Variants in INTS7 observed in about 807,000 individuals in gnomAD.
The protein encoded by INTS7 is integrator complex subunit 7.
INTS7 carries 46 observed loss-of-function variants against 109.2 expected under a neutral mutation model. The ratio of observed to expected loss-of-function variants is 0.42; its 90% confidence interval spans 0.33 to 0.54. The LOEUF is 0.54. INTS7 is among the 20% of genes least tolerant of loss of function. The pLI, the probability that INTS7 is intolerant of heterozygous loss-of-function variation, is 0.07. For synonymous variants in INTS7, 412 were observed against 402.9 expected, an observed-to-expected ratio of 1.02 and a Z score of -0.27; for missense variants, 929 against 1,132.4, an observed-to-expected ratio of 0.82 and a Z score of 2.58.
At chr1:212,011,701 G>T in intron 4 of INTS7, 1 of 321,520 alleles carries the variant, frequency 3.1e-6, no homozygotes, top group Non-Finnish European at 5.7e-6. Flanking sequence ...ACAAGCATCT[G>T]AAATTATTTT....
chr1:211,967,672 C>T (rs184788850), intron 15 of INTS7, among the ~76,000 whole-genome samples: 10 of 152,194 alleles, frequency 6.6e-5, no homozygotes, highest in Admixed American at 4.6e-4. Flanking sequence ...ATAAAAAAGA[C>T]ACCTTCGAGT....
At chr1:212,018,343 G>A (rs1666532955) in intron 3 of INTS7, among the ~76,000 whole-genome samples, 2 of 151,830 alleles carry the variant, frequency 1.3e-5, no homozygotes. Context: ...AAGAATTGAG[G>A]CAAAAGTCAA....
At position 211,975,353 on chromosome 1, in the gene INTS7, T is replaced by C; in HGVS notation, c.1628A>G (p.Lys543Arg). Residue 543 changes from lysine to arginine, a missense_variant, in exon 13 of 20, where the codon AAA becomes AGA. By Grantham distance (26) the Lys-to-Arg change is conservative (BLOSUM62 2). Transcript: ENST00000366994. ...AGTCAGCAAACTCTGATAAAGCTCT[T>C]TGGCCATGTCATGATTACCCTAAAA... ...ASRMGNHDMA[K>R]ELYQSLLTQV... 3 of 1,613,958 alleles carry C rather than the reference T, an allele frequency of 1.9e-6. No individual in the cohort carries two copies. Among genetic ancestry groups the C allele is most frequent in the Non-Finnish European group, 2.5e-6 (3 of 1,179,870 alleles).
Position 212,032,477 on chromosome 1 carries a change from ATCTT to A in INTS7, c.94+2863_94+2866del, listed in dbSNP as rs1233263372. On this transcript the variant is annotated intron_variant, in intron 1 of 19. Transcript: ENST00000366994. ...GCCCTACCTGAACGGGACTCTGGTT[ATCTT>A]TCTTTTTTTTTTTTCGAGACAGTCT... Among the ~76,000 whole-genome samples, 4 of 151,132 alleles carry A rather than the reference ATCTT, an allele frequency of 2.6e-5. No homozygotes were observed. In the East Asian group the frequency reaches 5.8e-4, roughly 22 times the overall value.
At position 211,971,013 on chromosome 1, in the gene INTS7, A is replaced by T. The variant is rs138930649; in HGVS notation, c.1816-2306T>A. ...TAGCAATGCTTCCCAACTCCCCATCACTGTGACAAAAAGAAACATCCACAC... is the reference window on the plus strand; with the variant it reads ...TAGCAATGCTTCCCAACTCCCCATCTCTGTGACAAAAAGAAACATCCACAC... On this transcript the variant is annotated intron_variant, in intron 13 of 19. Transcript: ENST00000366994. Among the ~76,000 whole-genome samples the T allele has an allele frequency of 7.6e-4, 116 of 152,314 alleles. 1 individual carries two copies. In the East Asian group the frequency reaches 0.019, roughly 25 times the overall value.
At chr1:212,005,161 C>T (rs936057356) in intron 7 of INTS7, among the ~76,000 whole-genome samples, 18 of 152,046 alleles carry the variant, frequency 1.2e-4, no homozygotes, top group Admixed American at 7.8e-4. Context: ...TACATTCATA[C>T]AATGGGATAG....
intron 16 of INTS7, among the ~76,000 whole-genome samples, chr1:211,953,376 T>G (rs1343433704): frequency 1.3e-5 from 2 of 152,168 alleles, no homozygotes; most frequent in African/African-American, 4.8e-5. Flanking sequence ...CATTTCTATT[T>G]TATTTTTTTA....
intron 8 of INTS7, among the ~76,000 whole-genome samples, chr1:211,983,657 T>C (rs572087078): frequency 6.6e-5 from 10 of 152,204 alleles, no homozygotes; most frequent in Non-Finnish European, 1.5e-4. Flanking sequence ...TCTCGTCAAC[T>C]TCAACTTTGT....
Position 212,020,106 on chromosome 1 carries a change from A to G in INTS7, c.371+16T>C. ...TCAAATAATCTCATAGTGAATTATT[A>G]TAATACGGTATATACCGGAGGGTGA... On this transcript the variant is annotated intron_variant, in intron 3 of 19. Transcript: ENST00000366994. 1 of 1,521,962 alleles carries G rather than the reference A, an allele frequency of 6.6e-7. No homozygotes were observed. Among genetic ancestry groups the G allele is most frequent in the Non-Finnish European group, 8.9e-7 (1 of 1,129,566 alleles). 94.3% of individuals were successfully genotyped at this position (1,521,962 alleles called of 1,614,324 possible).
intron 13 of INTS7, among the ~76,000 whole-genome samples, chr1:211,969,282 CA>C (rs201346613): frequency 1.5e-4 from 19 of 128,230 alleles, no homozygotes; most frequent in Non-Finnish European, 1.5e-4. Flanking sequence ...GAGACTGTCT[CA>C]AAAAAAAAAA....
intron 7 of INTS7, 45 bp downstream of exon 7, chr1:212,006,594 T>C (rs932889939): frequency 4.1e-6 from 4 of 970,872 alleles, no homozygotes; most frequent in Non-Finnish European, 5.8e-6. Flanking sequence ...TATATTATAA[T>C]GTTATATTAT....
chr1:211,974,270 AAAAAAAATATATATATATATAT>A (rs200616629), intron 13 of INTS7, among the ~76,000 whole-genome samples: 9,271 of 101,878 alleles, frequency 0.091, 653 homozygotes, highest in East Asian at 0.3. Context: ...CTTCCCAGAA[AAAAAAAATATATATATATATAT>A]ATATATATAT....
At chr1:211,983,367 T>C (rs1248508475) in intron 8 of INTS7, among the ~76,000 whole-genome samples, 1 of 152,172 alleles carries the variant, frequency 6.6e-6, no homozygotes, top group East Asian at 1.9e-4. Context: ...AATCTTGCCA[T>C]TAAGTTCATA....
At chr1:211,982,594 G>C in intron 9 of INTS7, 82 bp downstream of exon 9, 2 of 1,097,986 alleles carry the variant, frequency 1.8e-6, no homozygotes, top group Non-Finnish European at 2.6e-6. Flanking sequence ...CTAAAAATAA[G>C]GGATTAAAAA....
At chr1:211,966,230 T>G (rs1401105992) in intron 16 of INTS7, 200 bp downstream of exon 16, 1 of 387,246 alleles carries the variant, frequency 2.6e-6, no homozygotes, top group African/African-American at 2.1e-5. Flanking sequence ...TATCTTTCCA[T>G]GTTAACTTTT....
rs190276490 is a variant in INTS7, at chr1:211,955,320, A to G, written c.2184-2619T>C. On this transcript the variant is annotated intron_variant, in intron 16 of 19. Coordinates refer to ENST00000366994, the MANE Select transcript of INTS7 (RefSeq NM_015434.4). Reference sequence around the variant, plus strand: ...TGAGACAATGGGGTTTTCTAGATATACAATCATGTCATCTGCAAACAGGGA... The same window carrying G: ...TGAGACAATGGGGTTTTCTAGATATGCAATCATGTCATCTGCAAACAGGGA... Among the ~76,000 whole-genome samples, 10 of 152,320 alleles carry G rather than the reference A, an allele frequency of 6.6e-5. No individual in the cohort carries two copies. The East Asian group carries it at 1.9e-3, about 29-fold the overall frequency.
chr1:211,993,055 CT>C (rs1190028247), intron 7 of INTS7, among the ~76,000 whole-genome samples: 8 of 152,196 alleles, frequency 5.3e-5, no homozygotes, highest in Admixed American at 5.2e-4. Flanking sequence ...TGGAATAGGA[CT>C]GGTCACCAGG....
intron 16 of INTS7, among the ~76,000 whole-genome samples, chr1:211,961,659 C>T (rs1663639488): frequency 6.6e-6 from 1 of 152,010 alleles, no homozygotes; most frequent in Non-Finnish European, 1.5e-5. Flanking sequence ...AAACTCTTGA[C>T]CTCAAGTGAC....
intron 7 of INTS7, among the ~76,000 whole-genome samples, chr1:211,996,059 A>G (rs1186251055): frequency 1.3e-5 from 2 of 152,238 alleles, no homozygotes; most frequent in African/African-American, 4.8e-5. Context: ...AAGAGAAAAA[A>G]ACTAATTTAA....
Sources: gnomAD v4.1 joint callset for allele counts (sites outside exome capture counted in the v4.1 genomes callset) on GRCh38, gnomAD v4.1.1 for gene constraint, MANE v1.5 for transcripts, NCBI Gene and HGNC (gene_info 2026-07-23, HGNC 2026-07-21) for gene names.